The following UNC13C variants were observed in gnomAD, a reference collection of about 807,000 sequenced individuals.
UNC13C encodes protein unc-13 homolog C.
In UNC13C, 174 loss-of-function variants were observed where a neutral mutation model predicts 245.4. The observed-to-expected ratio is 0.71, with a 90% confidence interval of 0.63 to 0.80. The LOEUF is 0.80. UNC13C is among the 30% of genes least tolerant of loss of function. The pLI, the probability that UNC13C is intolerant of heterozygous loss-of-function variation, is 0.00. For missense variants in UNC13C, 2,829 were observed against 2,602.9 expected (o/e 1.09, Z -1.89); for synonymous variants, 992 against 895.1 (o/e 1.11, Z -1.93).
chr15:54,236,224 CA>C (rs1267905041), intron 5 of UNC13C, among the ~76,000 whole-genome samples: 1 of 152,068 alleles, frequency 6.6e-6, no homozygotes, highest in Non-Finnish European at 1.5e-5. Context: ...TGAAGGCCAC[CA>C]CTTTGGTTTT....
chr15:54,297,826 A>G lies in UNC13C; in HGVS notation c.4004A>G (p.Lys1335Arg). The change falls in exon 12 of 33, where the codon AAG becomes AGG. Residue 1335 changes from lysine to arginine, a missense_variant. Transcript: ENST00000260323. The part of the protein sequence containing the change: ...VWYNLEKRTD[K>R]SAVSGAIRLK... ...GCTTTATCAGAGAAAAGGACAGATA[A>G]GTCAGCTGTATCTGGGGCCATACGA... The G allele has an allele frequency of 6.2e-7, 1 of 1,607,956 alleles. No homozygotes were observed. The highest frequency in any genetic ancestry group is 8.5e-7 in the Non-Finnish European group (1 of 1,176,798).
At chr15:54,575,127 C>G (rs1467180546) in intron 30 of UNC13C, among the ~76,000 whole-genome samples, 4 of 152,134 alleles carry the variant, frequency 2.6e-5, no homozygotes, top group African/African-American at 9.7e-5. Context: ...CCTCCACCTC[C>G]TGGGTTCAAG....
chr15:54,514,243 C>T (rs1225361153), intron 24 of UNC13C, among the ~76,000 whole-genome samples: 2 of 152,112 alleles, frequency 1.3e-5, no homozygotes, highest in Non-Finnish European at 1.5e-5. Flanking sequence ...GAGAAAATTA[C>T]AGAATTCACC....
At chr15:54,292,623 C>G (rs1483471411) in intron 10 of UNC13C, among the ~76,000 whole-genome samples, 1 of 151,692 alleles carries the variant, frequency 6.6e-6, no homozygotes, top group Non-Finnish European at 1.5e-5. Context: ...TAGTGAAAAC[C>G]ATAGATGTCT....
chr15:53,948,803 C>A, the UNC13C span, among the ~76,000 whole-genome samples: 1 of 151,886 alleles, frequency 6.6e-6, no homozygotes, highest in South Asian at 2.1e-4. Context: ...ACGGTGAAGG[C>A]ACACAGCTGA....
intron 30 of UNC13C, among the ~76,000 whole-genome samples, chr15:54,614,375 T>G (rs1900292702): frequency 6.6e-6 from 1 of 151,958 alleles, no homozygotes. Context: ...AGGCATCTAT[T>G]CAAAGAATTT....
intron 1 of UNC13C, among the ~76,000 whole-genome samples, chr15:53,990,606 A>C (rs1894342940): frequency 6.6e-6 from 1 of 152,006 alleles, no homozygotes; most frequent in African/African-American, 2.4e-5. Flanking sequence ...AAAACCTAAA[A>C]AATTTCTTTA....
intron 15 of UNC13C, 101 bp downstream of exon 15, chr15:54,332,212 A>T: frequency 2.5e-6 from 2 of 808,224 alleles, no homozygotes; most frequent in South Asian, 3.9e-5. Context: ...AAAAATAAAA[A>T]TATTGATCTC....
At chr15:54,446,353 G>A (rs992696401) in intron 19 of UNC13C, among the ~76,000 whole-genome samples, 1 of 152,040 alleles carries the variant, frequency 6.6e-6, no homozygotes, top group African/African-American at 2.4e-5. Context: ...ACCTTGTTGG[G>A]GATGGCATTG....
At chr15:53,888,956 C>T in the UNC13C span, among the ~76,000 whole-genome samples, 9 of 151,936 alleles carry the variant, frequency 5.9e-5, no homozygotes, top group African/African-American at 1.7e-4. Context: ...TCTGTAGCCT[C>T]GTAGTATTGT....
chr15:54,464,825 T>A (rs1157897391), intron 19 of UNC13C, among the ~76,000 whole-genome samples: 1 of 151,942 alleles, frequency 6.6e-6, no homozygotes, highest in African/African-American at 2.4e-5. Flanking sequence ...ATTAAGGACT[T>A]ACAAATGGAA....
chr15:53,952,129 C>T, the UNC13C span, among the ~76,000 whole-genome samples: 3 of 152,106 alleles, frequency 2.0e-5, no homozygotes, highest in Admixed American at 1.3e-4. Context: ...ACACAGTAAA[C>T]CATTCCTTGG....
intron 30 of UNC13C, among the ~76,000 whole-genome samples, chr15:54,568,509 G>T (rs1897613920): frequency 6.6e-6 from 1 of 151,990 alleles, no homozygotes; most frequent in South Asian, 2.1e-4. Context: ...ATGTGTCAAA[G>T]TTTCCACCTC....
chr15:54,006,912 G>A (rs1343091250), intron 1 of UNC13C, among the ~76,000 whole-genome samples: 1 of 152,146 alleles, frequency 6.6e-6, no homozygotes, highest in Non-Finnish European at 1.5e-5. Context: ...GTTTTGCACA[G>A]GGGCCCTCTT....
At chr15:53,922,918 C>G in the UNC13C span, among the ~76,000 whole-genome samples, 39 of 152,202 alleles carry the variant, frequency 2.6e-4, no homozygotes, top group Admixed American at 1.6e-3. Flanking sequence ...TCATTACTTA[C>G]CAGAAGCGAT....
chr15:54,552,675 A>AATATAATTATATAATTATATATTAT (rs1309025893), intron 28 of UNC13C, among the ~76,000 whole-genome samples: 43 of 84,148 alleles, frequency 5.1e-4, no homozygotes, highest in Non-Finnish European at 7.4e-4. Flanking sequence ...TGTACTATAT[A>AATATAATTATATAATTATATATTAT]ATATAATTAT....
At chr15:54,216,531 G>A (rs879159753) in intron 4 of UNC13C, among the ~76,000 whole-genome samples, 5 of 151,936 alleles carry the variant, frequency 3.3e-5, no homozygotes, top group African/African-American at 1.2e-4. Flanking sequence ...GTGTGTTCCA[G>A]GCACTCAGCA....
At chr15:54,178,170 CT>C (rs2033678843) in intron 4 of UNC13C, among the ~76,000 whole-genome samples, 1 of 151,948 alleles carries the variant, frequency 6.6e-6, no homozygotes. Context: ...CTATACAATC[CT>C]GTATTTAGGG....
intron 14 of UNC13C, among the ~76,000 whole-genome samples, chr15:54,322,624 G>A (rs967495163): frequency 1.3e-5 from 2 of 151,990 alleles, no homozygotes; most frequent in African/African-American, 4.8e-5. Flanking sequence ...ATATGCAAAG[G>A]CATCAAGAAT....
Sources: allele counts gnomAD v4.1 joint callset (sites outside exome capture counted in the v4.1 genomes callset), GRCh38; gene constraint gnomAD v4.1.1; transcripts MANE v1.5; gene names NCBI Gene and HGNC (gene_info 2026-07-23, HGNC 2026-07-21).